MSRB3: variants seen among roughly 807,000 people sequenced by gnomAD.
MSRB3 encodes methionine sulfoxide reductase B3, also known as methionine-R-sulfoxide reductase B3.
MSRB3 carries 13 observed loss-of-function variants against 21.0 expected under a neutral mutation model. That is an observed-to-expected ratio of 0.62 (90% confidence interval 0.40 to 0.98). MSRB3 has a LOEUF of 0.98. MSRB3 is among the 50% of genes least tolerant of loss of function. MSRB3 has a pLI of 0.00. For synonymous variants in MSRB3, 87 were observed against 88.6 expected, an observed-to-expected ratio of 0.98 and a Z score of 0.10; for missense variants, 199 against 230.3, an observed-to-expected ratio of 0.86 and a Z score of 0.88.
chr12:65,353,874 T>A (rs2136502562), intron 4 of MSRB3, among the ~76,000 whole-genome samples: 1 of 152,142 alleles, frequency 6.6e-6, no homozygotes, highest in Non-Finnish European at 1.5e-5. Flanking sequence ...TGGTTGTTCC[T>A]TTTCATGTTT....
chr12:65,353,863 C>G (rs978170024), intron 4 of MSRB3, among the ~76,000 whole-genome samples: 2 of 151,956 alleles, frequency 1.3e-5, no homozygotes, highest in East Asian at 1.9e-4. Flanking sequence ...GCGGCTGGTA[C>G]TGGTTGTTCC....
chr12:65,351,936 A>G (rs1026865493), intron 4 of MSRB3, among the ~76,000 whole-genome samples: 1 of 152,176 alleles, frequency 6.6e-6, no homozygotes, highest in Admixed American at 6.6e-5. Context: ...CTATAGAAAA[A>G]GAGGGAATCG....
chr12:65,378,204 G>A (rs933062893), intron 5 of MSRB3, among the ~76,000 whole-genome samples: 1 of 152,108 alleles, frequency 6.6e-6, no homozygotes, highest in Non-Finnish European at 1.5e-5. Context: ...TTGGATAAAT[G>A]ATTGAATGAG....
intron 4 of MSRB3, among the ~76,000 whole-genome samples, chr12:65,367,234 GA>G (rs1244177431): frequency 1.3e-5 from 2 of 152,144 alleles, no homozygotes; most frequent in Non-Finnish European, 2.9e-5. Context: ...ATGAAAGAGG[GA>G]TAACAAAGCA....
intron 4 of MSRB3, among the ~76,000 whole-genome samples, chr12:65,366,598 A>T (rs541486348): frequency 9.2e-5 from 14 of 152,262 alleles, no homozygotes; most frequent in African/African-American, 2.9e-4. Context: ...AGAGGAGGGG[A>T]GGGATGTAGA....
At chr12:65,299,615 A>G (rs1873189105) in intron 1 of MSRB3, among the ~76,000 whole-genome samples, 1 of 152,206 alleles carries the variant, frequency 6.6e-6, no homozygotes, top group African/African-American at 2.4e-5. Context: ...ATGAGGCTGT[A>G]TGTTCAGTTA....
chr12:65,330,017 T>C (rs547801582), intron 4 of MSRB3, among the ~76,000 whole-genome samples: 2 of 152,348 alleles, frequency 1.3e-5, no homozygotes, highest in African/African-American at 2.4e-5. Context: ...TATGTCATAA[T>C]AGTTGATATA....
At position 65,368,485 on chromosome 12, in the gene MSRB3, T is replaced by A. The variant is rs535586172; in HGVS notation, c.264-513T>A. 4.3e-4 allele frequency among the ~76,000 whole-genome samples: 66 copies of A among 152,324 alleles called. 2 individuals are homozygous for A. In the South Asian group the frequency reaches 0.012, roughly 29 times the overall value. On this transcript the variant is annotated intron_variant, in intron 4 of 6. Coordinates refer to ENST00000308259, the MANE Select transcript of MSRB3 (RefSeq NM_001031679.3). Reference sequence around the variant, plus strand: ...CAAAGGCTTCTGAATTTACAACCAGTATTAACCAATATCTGAAACATAATG... The same window carrying A: ...CAAAGGCTTCTGAATTTACAACCAGAATTAACCAATATCTGAAACATAATG...
At chr12:65,295,685 T>C (rs1445047081) in intron 1 of MSRB3, among the ~76,000 whole-genome samples, 1 of 152,116 alleles carries the variant, frequency 6.6e-6, no homozygotes, top group Admixed American at 6.5e-5. Context: ...AATAGGAGGA[T>C]TACAAAGAAG....
chr12:65,390,435 A>T (rs1879415952), intron 5 of MSRB3, among the ~76,000 whole-genome samples: 1 of 152,210 alleles, frequency 6.6e-6, no homozygotes, highest in Non-Finnish European at 1.5e-5. Context: ...GCCAATAAGC[A>T]TTTGCAAAAG....
chr12:65,310,358 G>C (rs1592511614), intron 2 of MSRB3, among the ~76,000 whole-genome samples: 2 of 152,094 alleles, frequency 1.3e-5, no homozygotes, highest in East Asian at 3.9e-4. Context: ...AATTGGGAGA[G>C]ATTCAGACTG....
chr12:65,425,903 C>A (rs918395400), intron 5 of MSRB3, among the ~76,000 whole-genome samples: 52 of 152,280 alleles, frequency 3.4e-4, no homozygotes, highest in African/African-American at 1.2e-3. Context: ...GTTGCCCAGG[C>A]TGGAGTGCAG....
intron 2 of MSRB3, among the ~76,000 whole-genome samples, chr12:65,313,424 G>A (rs1297720349): frequency 2.0e-5 from 3 of 151,792 alleles, no homozygotes; most frequent in Non-Finnish European, 4.4e-5. Flanking sequence ...ATCTTTTTTG[G>A]GTCATGAAAA....
At chr12:65,388,607 A>G (rs1320529286) in intron 5 of MSRB3, among the ~76,000 whole-genome samples, 1 of 152,260 alleles carries the variant, frequency 6.6e-6, no homozygotes, top group African/African-American at 2.4e-5. Context: ...GCAGTGCCTC[A>G]TGCCTGTAAT....
At chr12:65,396,267 T>TC (rs1401541308) in intron 5 of MSRB3, among the ~76,000 whole-genome samples, 1 of 152,264 alleles carries the variant, frequency 6.6e-6, no homozygotes, top group Non-Finnish European at 1.5e-5. Flanking sequence ...CATGTGCCAT[T>TC]TAGAAGTATG....
intron 1 of MSRB3, among the ~76,000 whole-genome samples, chr12:65,280,650 A>G (rs1435863911): frequency 6.6e-6 from 1 of 152,078 alleles, no homozygotes; most frequent in East Asian, 1.9e-4. Flanking sequence ...AATATCTGGA[A>G]ATTTTTATAT....
intron 5 of MSRB3, chr12:65,419,629 T>A: frequency 1.4e-6 from 1 of 710,472 alleles, no homozygotes; most frequent in South Asian, 1.4e-5. Flanking sequence ...CTCGATGGTC[T>A]TGAAATAATG....
At chr12:65,386,875 G>T (rs1449353035) in intron 5 of MSRB3, among the ~76,000 whole-genome samples, 1 of 151,942 alleles carries the variant, frequency 6.6e-6, no homozygotes, top group Admixed American at 6.6e-5. Flanking sequence ...CTTTGTTTTT[G>T]TAGTTTACAA....
At position 65,290,778 on chromosome 12, in the gene MSRB3, C is replaced by CTA. The variant is rs199830000; in HGVS notation, c.-52+11914_-52+11915insAT. ...TATTGATATGACCTTAGATGAATCA[C>CTA]TTAATCTTCCTGAGCTTTGACTTTT... On this transcript the variant is annotated intron_variant, in intron 1 of 6. Coordinates refer to ENST00000308259, the MANE Select transcript of MSRB3 (RefSeq NM_001031679.3). Among the ~76,000 whole-genome samples, 1,398 of 152,300 alleles carry CTA rather than the reference C, an allele frequency of 9.2e-3. 21 individuals are homozygous for CTA. The highest frequency in any genetic ancestry group is 0.031 in the African/African-American group (1,296 of 41,560).
Sources: gnomAD v4.1 joint callset for allele counts (sites outside exome capture counted in the v4.1 genomes callset) on GRCh38, gnomAD v4.1.1 for gene constraint, MANE v1.5 for transcripts, NCBI Gene and HGNC (gene_info 2026-07-23, HGNC 2026-07-21) for gene names.